GSTO1: variants seen among roughly 807,000 people sequenced by gnomAD.
GSTO1 encodes the protein glutathione S-transferase omega-1.
A neutral mutation model predicts 23.8 loss-of-function variants in GSTO1; 27 were observed. That is an observed-to-expected ratio of 1.13 (90% confidence interval 0.83 to 1.56). GSTO1 has a LOEUF of 1.56. GSTO1 is among the 40% of genes most tolerant of loss of function. GSTO1 has a pLI of 0.00. For missense variants in GSTO1, 255 were observed against 285.8 expected, an observed-to-expected ratio of 0.89 and a Z score of 0.78; for synonymous variants, 105 against 109.3, an observed-to-expected ratio of 0.96 and a Z score of 0.25.
At chr10:104,263,692 T>C (rs1301449196) in intron 4 of GSTO1, among the ~76,000 whole-genome samples, 29 of 152,238 alleles carry the variant, frequency 1.9e-4, no homozygotes. Flanking sequence ...CTGTCTTTCA[T>C]GGGAATGCAT....
intron 4 of GSTO1, among the ~76,000 whole-genome samples, chr10:104,263,284 CTT>C (rs2011153982): frequency 6.6e-6 from 1 of 152,142 alleles, no homozygotes; most frequent in South Asian, 2.1e-4. Flanking sequence ...CCTAAACAGA[CTT>C]TGTCATGGGC....
rs1564836633 is a variant in GSTO1 at position 104,259,779 on chromosome 10, TC to T, written c.348del (p.Leu117Ter). On this transcript the variant is annotated frameshift_variant, in exon 3 of 6. Coordinates refer to ENST00000369713, the MANE Select transcript of GSTO1 (RefSeq NM_004832.3). LOFTEE classifies it high-confidence loss of function. ...DPYEKACQKM[I>X]LELFSKVPSL... ...TATGAGAAAGCTTGCCAGAAGATGA[TC>T]TTAGAGTTGTTTTCTAAGGTTTGTG... The T allele has an allele frequency of 6.2e-7, 1 of 1,611,568 alleles. No individual in the cohort carries two copies. Among genetic ancestry groups the T allele is most frequent in the Admixed American group, 1.7e-5 (1 of 59,980 alleles).
chr10:104,261,847 A>G (rs1031530298), intron 3 of GSTO1, among the ~76,000 whole-genome samples: 1 of 152,156 alleles, frequency 6.6e-6, no homozygotes, highest in African/African-American at 2.4e-5. Context: ...GATACCAAAG[A>G]CCAAAGTATT....
At chr10:104,255,109 C>T (rs2091595758) in intron 1 of GSTO1, 54 bp from the exon 2 acceptor site, 2 of 1,468,074 alleles carry the variant, frequency 1.4e-6, no homozygotes, top group Admixed American at 1.7e-5. Flanking sequence ...CGGTGGGATA[C>T]GGGGGGTCTC....
At chr10:104,255,330 G>T in intron 2 of GSTO1, 59 bp downstream of exon 2, 1 of 1,092,830 alleles carries the variant, frequency 9.2e-7, no homozygotes, top group Non-Finnish European at 1.4e-6. Flanking sequence ...GCAGGCGGCG[G>T]GGTGGGGTGG....
chr10:104,260,928 G>A (rs1213678474), intron 3 of GSTO1, among the ~76,000 whole-genome samples: 1 of 152,148 alleles, frequency 6.6e-6, no homozygotes, highest in Non-Finnish European at 1.5e-5. Context: ...TTTCAAGAAC[G>A]ATGTGGGAGA....
intron 5 of GSTO1, among the ~76,000 whole-genome samples, chr10:104,266,883 G>T (rs1338084781): frequency 6.6e-6 from 1 of 152,092 alleles, no homozygotes; most frequent in African/African-American, 2.4e-5. Context: ...GCCTTACTCC[G>T]GCTTCTTGGA....
intron 2 of GSTO1, among the ~76,000 whole-genome samples, chr10:104,256,946 T>G (rs1337581433): frequency 1.3e-5 from 2 of 152,184 alleles, no homozygotes; most frequent in African/African-American, 2.4e-5. Flanking sequence ...CACATGAACC[T>G]TTTAAATTAC....
rs764472565 is a variant in GSTO1, at chr10:104,255,120, G to C, written c.35-43G>C. On this transcript the variant is annotated intron_variant, in intron 1 of 5. Coordinates refer to ENST00000369713, the MANE Select transcript of GSTO1 (RefSeq NM_004832.3). The stretch of plus-strand genomic sequence containing the variant: ...GGGGCGGTGGGATACGGGGGGTCTC[G>C]ACACCTCTCTGGGCCGTAATCGCCT... 6 of 1,520,108 alleles carry C rather than the reference G, an allele frequency of 3.9e-6. No homozygotes were observed. In the African/African-American group the frequency reaches 6.8e-5, roughly 17 times the overall value. The allele number at this position is 1,520,108 out of a possible 1,614,324, so 94.2% of individuals were successfully genotyped here. A position where few individuals can be genotyped will look rare whatever the true frequency, so the allele number is the denominator to read the frequency against.
chr10:104,255,196 C>A lies in GSTO1; in HGVS notation c.68C>A (p.Ser23Ter). The change falls in exon 2 of 6, where the codon TCG becomes TAG. Residue 23 changes from serine to a stop codon, truncating the protein, a stop_gained. Coordinates refer to ENST00000369713, the MANE Select transcript of GSTO1 (RefSeq NM_004832.3). LOFTEE classifies it high-confidence loss of function. ...SAPPGPVPEG[S>*]IRIYSMRFCP... The stretch of plus-strand genomic sequence containing the variant: ...CCCCCGGGGCCGGTCCCGGAGGGCT[C>A]GATCCGCATCTACAGCATGAGGTTC... The A allele has an allele frequency of 6.2e-7, 1 of 1,613,768 alleles. No homozygotes were observed. Among genetic ancestry groups the A allele is most frequent in the East Asian group, 2.2e-5 (1 of 44,852 alleles).
chr10:104,262,146 G>GCGGCAGAGCTTCTGGGTTT (rs1486272615), intron 3 of GSTO1, among the ~76,000 whole-genome samples: 1 of 152,210 alleles, frequency 6.6e-6, no homozygotes, highest in African/African-American at 2.4e-5. Flanking sequence ...GGTGAGAGCA[G>GCGGCAGAGCTTCTGGGTTT]CGGCAGAGCT....
intron 2 of GSTO1, among the ~76,000 whole-genome samples, chr10:104,255,999 T>C (rs895222978): frequency 4.6e-5 from 7 of 152,224 alleles, no homozygotes; most frequent in African/African-American, 1.4e-4. Context: ...ACCTTTGGTG[T>C]GGAAGGTTCT....
chr10:104,265,082 CCAT>C (rs1310984510), intron 4 of GSTO1, among the ~76,000 whole-genome samples: 2 of 152,134 alleles, frequency 1.3e-5, no homozygotes, highest in African/African-American at 4.8e-5. Context: ...TTAAATTGAA[CCAT>C]CATAAGCTGC....
intron 1 of GSTO1, 59 bp from the exon 2 acceptor site, chr10:104,255,104 G>A (rs2091595699): frequency 1.4e-6 from 2 of 1,453,382 alleles, no homozygotes; most frequent in African/African-American, 2.8e-5. Flanking sequence ...GGGGGCGGTG[G>A]GATACGGGGG....
Position 104,266,191 on chromosome 10 carries a change from G to A in GSTO1, c.572+1G>A. 6.7e-7 allele frequency: 1 copy of A among 1,501,608 alleles called. No homozygotes were observed. Among genetic ancestry groups the A allele is most frequent in the Non-Finnish European group, 9.3e-7 (1 of 1,077,744 alleles). 93.0% of individuals were successfully genotyped at this position (1,501,608 alleles called of 1,614,324 possible). Reference sequence around the variant, plus strand: ...GGCTGGAAGCAATGAAGTTAAATGAGTAAGATATTTGAATATTTTGTGCAT... The same window carrying A: ...GGCTGGAAGCAATGAAGTTAAATGAATAAGATATTTGAATATTTTGTGCAT... On this transcript the variant is annotated splice_donor_variant, in intron 5 of 5. Transcript: ENST00000369713. LOFTEE classifies it high-confidence loss of function.
At chr10:104,254,873 C>T (rs1235869558), upstream of GSTO1, 5 of 1,566,792 alleles carry the variant, frequency 3.2e-6, no homozygotes, top group Admixed American at 1.7e-5. Context: ...GGACGCGCCA[C>T]CTACTTCCTG....
At position 104,266,882 on chromosome 10, in the gene GSTO1, C is replaced by T. The variant is rs910695050; in HGVS notation, c.573-370C>T. Among the ~76,000 whole-genome samples the T allele has an allele frequency of 5.3e-5, 8 of 152,140 alleles. No individual in the cohort carries two copies. In the South Asian group the frequency reaches 6.2e-4, roughly 12 times the overall value. ...GTTTGGCAGCCACCTTGCCTTACTCCGGCTTCTTGGACGATAGAGCTATTC... is the reference window on the plus strand; with the variant it reads ...GTTTGGCAGCCACCTTGCCTTACTCTGGCTTCTTGGACGATAGAGCTATTC... On this transcript the variant is annotated intron_variant, in intron 5 of 5. Transcript: ENST00000369713.
chr10:104,260,985 G>A (rs907430923), intron 3 of GSTO1, among the ~76,000 whole-genome samples: 2 of 152,148 alleles, frequency 1.3e-5, no homozygotes, highest in African/African-American at 4.8e-5. Context: ...TTCAAGACAC[G>A]AAGTCATCAA....
intron 4 of GSTO1, 32 bp from the exon 5 acceptor site, chr10:104,266,052 T>A (rs199859964): frequency 9.9e-5 from 113 of 1,144,176 alleles, no homozygotes; most frequent in Non-Finnish European, 1.5e-4. Flanking sequence ...CATGCACAAG[T>A]AAGAAATACT....
Sources: gnomAD v4.1 joint callset for allele counts (sites outside exome capture counted in the v4.1 genomes callset) on GRCh38, gnomAD v4.1.1 for gene constraint, MANE v1.5 for transcripts, NCBI Gene and HGNC (gene_info 2026-07-23, HGNC 2026-07-21) for gene names.